The following SNRNP200 variants were observed in gnomAD, a reference collection of about 807,000 sequenced individuals.
SNRNP200 encodes the protein small nuclear ribonucleoprotein U5 subunit 200, also known as U5 small nuclear ribonucleoprotein 200 kDa helicase.
Under a neutral mutation model 255.2 loss-of-function variants are expected in SNRNP200, and 66 were observed. The ratio of observed to expected loss-of-function variants is 0.26; its 90% CI spans 0.21 to 0.32. The LOEUF is 0.32. Among genes scored for constraint, SNRNP200 ranks in the 10% least tolerant of loss-of-function variants. The pLI, the probability that SNRNP200 is intolerant of heterozygous loss-of-function variation, is 1.00. For synonymous variants in SNRNP200, 939 were observed against 1,027.8 expected (o/e 0.91, Z 1.65); for missense variants, 1,585 against 2,749.8 (o/e 0.58, Z 9.47).
At chr2:96,304,322 G>C (rs1323739686) in intron 2 of SNRNP200, among the ~76,000 whole-genome samples, 1 of 152,044 alleles carries the variant, frequency 6.6e-6, no homozygotes, top group Admixed American at 6.6e-5. Context: ...GCTTAAATTA[G>C]TTTGTTACAA....
intron 30 of SNRNP200, 135 bp from the exon 31 acceptor site, chr2:96,284,720 C>A: frequency 1.4e-6 from 1 of 709,004 alleles, no homozygotes; most frequent in African/African-American, 1.8e-5. Context: ...CCATAGCAGC[C>A]TCTATGCGAT....
In SNRNP200 at chr2:96,302,944, A is replaced by T. The variant is rs531613228; in HGVS notation, c.381+215T>A. The stretch of plus-strand genomic sequence containing the variant: ...AGCTATCCACAAACTCTCTAAACCT[A>T]GTCCTTTTGGGGTTTTTATGGAGGC... On this transcript the variant is annotated intron_variant, in intron 3 of 44. Coordinates refer to ENST00000323853, the MANE Select transcript of SNRNP200 (RefSeq NM_014014.5). 4.6e-4 allele frequency among the ~76,000 whole-genome samples: 70 copies of T among 152,128 alleles called. No homozygotes were observed. The South Asian group carries it at 0.014, about 31-fold the overall frequency.
intron 15 of SNRNP200, 75 bp downstream of exon 15, chr2:96,293,241 G>A: frequency 6.3e-7 from 1 of 1,575,496 alleles, no homozygotes; most frequent in Middle Eastern, 1.7e-4. Flanking sequence ...ACCCAACCCA[G>A]TAGCACTCCT....
At chr2:96,292,662 C>T (rs1400188432) in intron 16 of SNRNP200, among the ~76,000 whole-genome samples, 5 of 152,190 alleles carry the variant, frequency 3.3e-5, no homozygotes, top group Middle Eastern at 3.2e-3. Flanking sequence ...CTCCAACTCT[C>T]TAATAGTTGT....
Position 96,277,195 on chromosome 2 carries a change from C to T in SNRNP200, c.5978G>A (p.Arg1993Gln). 1 of 1,614,152 alleles carries T rather than the reference C, an allele frequency of 6.2e-7. No individual in the cohort carries two copies. Among genetic ancestry groups the T allele is most frequent in the Non-Finnish European group, 8.5e-7 (1 of 1,180,004 alleles). The change falls in exon 42 of 45, where the codon CGG becomes CAG. Residue 1993 changes from arginine to glutamine, a missense_variant. Arg to Gln is a conservative substitution (Grantham distance 43). Coordinates refer to ENST00000323853, the MANE Select transcript of SNRNP200 (RefSeq NM_014014.5). This position sits in a 1 kb window ranked among gnomAD's most constrained non-coding sequence, Gnocchi z 4.4. ...FDIMEMEDEE[R>Q]NALLQLTDSQ... ...GTCAGTCAGCTGAAGCAACGCGTTCCGTTCTTCATCCTCCATCTCCATGAT... is the reference window on the plus strand; with the variant it reads ...GTCAGTCAGCTGAAGCAACGCGTTCTGTTCTTCATCCTCCATCTCCATGAT...
At chr2:96,284,754 T>TC (rs2063832689) in intron 30 of SNRNP200, 169 bp from the exon 31 acceptor site, 1 of 625,744 alleles carries the variant, frequency 1.6e-6, no homozygotes, top group Non-Finnish European at 2.8e-6. Context: ...TTTTTCTTTT[T>TC]TTTTTTTCTT....
At chr2:96,289,150 C>G in intron 22 of SNRNP200, 33 bp from the exon 23 acceptor site, 1 of 1,614,036 alleles carries the variant, frequency 6.2e-7, no homozygotes, top group Non-Finnish European at 8.5e-7. Flanking sequence ...AAGGGAAAGC[C>G]TTGTGGCCGA....
rs1574004109 is a variant in SNRNP200, at chr2:96,305,508, T to G, written c.-71A>C. The stretch of plus-strand genomic sequence containing the variant: ...CAAGCTGCAAACGGCCGCAGATCTC[T>G]GCTCCCGCCGCGCCGGAACGACGCA... On this transcript the variant is annotated 5_prime_UTR_variant, in exon 1 of 45. Coordinates refer to ENST00000323853, the MANE Select transcript of SNRNP200 (RefSeq NM_014014.5). 1 of 1,598,296 alleles carries G rather than the reference T, an allele frequency of 6.3e-7. No individual in the cohort carries two copies. The highest frequency in any genetic ancestry group is 1.3e-5 in the African/African-American group (1 of 74,822).
intron 35 of SNRNP200, 181 bp downstream of exon 35, chr2:96,281,633 A>G: frequency 1.6e-6 from 1 of 628,066 alleles, no homozygotes; most frequent in South Asian, 1.7e-5. Flanking sequence ...AATGACTAAA[A>G]AGCAAATGTG....
intron 31 of SNRNP200, 24 bp downstream of exon 31, chr2:96,284,334 C>A: frequency 6.3e-7 from 1 of 1,597,926 alleles, no homozygotes; most frequent in Non-Finnish European, 8.6e-7. Flanking sequence ...AGTCCCTCAT[C>A]TGTGCTGCAA....
chr2:96,297,841 A>G (rs534290493), intron 9 of SNRNP200, 121 bp from the exon 10 acceptor site: 2 of 1,025,726 alleles, frequency 1.9e-6, no homozygotes, highest in Non-Finnish European at 3.0e-6. Flanking sequence ...GTCGTGAAAC[A>G]GAAAGACAGT....
chr2:96,294,102 GT>G (rs952308677), intron 14 of SNRNP200, among the ~76,000 whole-genome samples: 5 of 101,034 alleles, frequency 4.9e-5, no homozygotes, highest in Admixed American at 3.7e-4. Flanking sequence ...GACCAGAAAT[GT>G]TTTTTTTAAA....
rs925641803 is a variant in SNRNP200, at chr2:96,284,743, C to G, written c.4165-158G>C. The G allele has an allele frequency of 4.9e-5, 30 of 617,198 alleles. No individual in the cohort carries two copies. The Admixed American group carries it at 8.0e-4, about 16-fold the overall frequency. The allele number at this position is 617,198 out of a possible 1,614,324, so 38.2% of individuals were successfully genotyped here. ...GCCTCTATGCGATGCGATGGGGCAG[C>G]TTTTTCTTTTTTTTTTTTCTTTTGA... is the stretch of plus-strand genomic sequence containing the variant. On this transcript the variant is annotated intron_variant, in intron 30 of 44. Transcript: ENST00000323853.
At position 96,275,159 on chromosome 2, in the gene SNRNP200, GA is replaced by G. The variant is rs1684632565; in HGVS notation, c.6268-5del. The G allele has an allele frequency of 3.7e-6, 6 of 1,614,108 alleles. No homozygotes were observed. Among genetic ancestry groups the G allele is most frequent in the Non-Finnish European group, 5.1e-6 (6 of 1,180,052 alleles). ...GGGCCACAAAGTCCAACTTCACCTA[GA>G]AAGAGCAGGCAGAAATCAAGATGAG... On this transcript the variant is annotated splice_polypyrimidine_tract_variant and splice_region_variant and intron_variant, in intron 44 of 44. Coordinates refer to ENST00000323853, the MANE Select transcript of SNRNP200 (RefSeq NM_014014.5).
chr2:96,282,882 T>TA, intron 34 of SNRNP200: 1 of 452,360 alleles, frequency 2.2e-6, no homozygotes, highest in Non-Finnish European at 4.1e-6. Flanking sequence ...AACGGACTAA[T>TA]ACACTTGGGG....
chr2:96,283,416 T>C lies in SNRNP200; in HGVS notation c.4764-64A>G. The stretch of plus-strand genomic sequence containing the variant: ...AATTCCTGGCAGACACTTTGCCAGC[T>C]GTGCAGAACCTGGCCCCAAGCAACA... On this transcript the variant is annotated intron_variant, in intron 33 of 44. Coordinates refer to ENST00000323853, the MANE Select transcript of SNRNP200 (RefSeq NM_014014.5). The surrounding 1 kb of genome is among the most constrained non-coding windows in gnomAD (Gnocchi z 4.7). 1 of 1,613,246 alleles carries C rather than the reference T, an allele frequency of 6.2e-7. No individual in the cohort carries two copies. Among genetic ancestry groups the C allele is most frequent in the Non-Finnish European group, 8.5e-7 (1 of 1,179,406 alleles).
chr2:96,297,215 TG>T, intron 11 of SNRNP200, 145 bp from the exon 12 acceptor site: 4 of 1,489,760 alleles, frequency 2.7e-6, no homozygotes, highest in Non-Finnish European at 3.7e-6. Context: ...TATTGTCCCC[TG>T]GGCTCAAAAT....
Position 96,284,511 on chromosome 2 carries a change from G to A in SNRNP200, c.4239C>T (p.Ser1413=), listed in dbSNP as rs2063830098. ...CTTTGCCCAGCAGCTTCAGGTCTGT[G>A]CTGGTCTCGCCTGTCAGGAGTACCA... ...KKVVLLTGET[S]TDLKLLGKGN... The change falls in exon 31 of 45, where the codon AGC becomes AGT. Residue 1413 remains serine, a synonymous_variant. Transcript: ENST00000323853. 2 of 1,614,030 alleles carry A rather than the reference G, an allele frequency of 1.2e-6. No homozygotes were observed. Among genetic ancestry groups the A allele is most frequent in the African/African-American group, 2.7e-5 (2 of 74,918 alleles).
intron 16 of SNRNP200, 101 bp downstream of exon 16, chr2:96,292,871 G>GT (rs2063892266): frequency 7.2e-7 from 1 of 1,381,990 alleles, no homozygotes; most frequent in South Asian, 1.2e-5. Flanking sequence ...GATTTATGTT[G>GT]TGTCTTCTCT....
Sources: gnomAD v4.1 joint callset for allele counts (sites outside exome capture counted in the v4.1 genomes callset) on GRCh38, gnomAD v4.1.1 for gene constraint, Gnocchi (gnomAD v3.1) non-coding constraint, MANE v1.5 for transcripts, NCBI Gene and HGNC (gene_info 2026-07-23, HGNC 2026-07-21) for gene names.